SCAI: variants seen among roughly 807,000 people sequenced by gnomAD.
SCAI encodes suppressor of cancer cell invasion, also known as protein SCAI.
In SCAI, 24 loss-of-function variants were observed where a neutral mutation model predicts 92.2. The ratio of observed to expected loss-of-function variants is 0.26; its 90% CI spans 0.19 to 0.37. The LOEUF (loss-of-function observed/expected upper bound fraction) is 0.37, where lower values mean the gene tolerates loss of function less well. Among genes scored for constraint, SCAI ranks in the 10% least tolerant of loss-of-function variants. SCAI has a pLI of 1.00. For missense variants in SCAI, 450 were observed against 736.2 expected (o/e 0.61, Z 4.50); for synonymous variants, 261 against 258.6 (o/e 1.01, Z -0.09).
chr9:125,002,622 A>G (rs1194943533), intron 11 of SCAI, among the ~76,000 whole-genome samples: 1 of 151,586 alleles, frequency 6.6e-6, no homozygotes, highest in Non-Finnish European at 1.5e-5. Flanking sequence ...AGCTGGGATT[A>G]CAGGCATGTG....
intron 17 of SCAI, among the ~76,000 whole-genome samples, chr9:124,953,567 A>C (rs1322355113): frequency 6.6e-6 from 1 of 152,004 alleles, no homozygotes. Flanking sequence ...CGGAGGTTGC[A>C]GTGAGTTGAG....
chr9:125,051,630 C>T (rs1387810941), intron 3 of SCAI, among the ~76,000 whole-genome samples: 1 of 152,144 alleles, frequency 6.6e-6, no homozygotes, highest in Non-Finnish European at 1.5e-5. Flanking sequence ...CAAAATATCA[C>T]ATGTACCCCA....
chr9:125,090,574 C>G (rs1391620566), intron 2 of SCAI, among the ~76,000 whole-genome samples: 1 of 152,160 alleles, frequency 6.6e-6, no homozygotes, highest in Admixed American at 6.5e-5. Context: ...CTATCCACTT[C>G]TTTTCATCTC....
At chr9:125,048,633 C>T (rs1013083012) in intron 3 of SCAI, among the ~76,000 whole-genome samples, 2 of 151,922 alleles carry the variant, frequency 1.3e-5, no homozygotes, top group African/African-American at 4.8e-5. Context: ...CTCAGTTGTC[C>T]ATTTTAGGAA....
Position 125,118,149 on chromosome 9 carries a change from A to C in SCAI, c.98+24484T>G, listed in dbSNP as rs78065107. ...AAAACACATAGTGAACTAAACACTT[A>C]AAATCTACACATTATATGTAAAATA... On this transcript the variant is annotated intron_variant, in intron 2 of 17. Coordinates refer to ENST00000336505, the MANE Select transcript of SCAI (RefSeq NM_001144877.3). Among the ~76,000 whole-genome samples the C allele has an allele frequency of 8.1e-3, 1,231 of 151,852 alleles. 19 individuals carry two copies. Among genetic ancestry groups the C allele is most frequent in the African/African-American group, 0.028 (1,154 of 41,356 alleles).
At chr9:124,955,061 G>A (rs1037371356) in intron 17 of SCAI, among the ~76,000 whole-genome samples, 1 of 151,920 alleles carries the variant, frequency 6.6e-6, no homozygotes, top group Non-Finnish European at 1.5e-5. Flanking sequence ...CCAGCTACTT[G>A]AGAGGGTGAG....
Position 124,997,825 on chromosome 9 carries a change from A to T in SCAI, c.1244+2066T>A, listed in dbSNP as rs527546827. On this transcript the variant is annotated intron_variant, in intron 13 of 17. Transcript: ENST00000336505. ...CGGAAGGCAGAGGTTGCAGTGAGCCAAGATAGTGCCACTGCACTCCAGCCT... is the reference window on the plus strand; with the variant it reads ...CGGAAGGCAGAGGTTGCAGTGAGCCTAGATAGTGCCACTGCACTCCAGCCT... 1.3e-3 allele frequency among the ~76,000 whole-genome samples: 190 copies of T among 150,900 alleles called. 1 individual carries two copies. Among genetic ancestry groups the T allele is most frequent in the Non-Finnish European group, 2.0e-3 (138 of 67,736 alleles).
intron 3 of SCAI, among the ~76,000 whole-genome samples, chr9:125,037,315 C>T (rs918389833): frequency 4.0e-5 from 6 of 150,886 alleles, no homozygotes; most frequent in African/African-American, 1.5e-4. Context: ...GACTACATGC[C>T]TATGGTCACA....
intron 3 of SCAI, among the ~76,000 whole-genome samples, chr9:125,047,156 C>T (rs1300666610): frequency 6.6e-6 from 1 of 152,072 alleles, no homozygotes; most frequent in Non-Finnish European, 1.5e-5. Flanking sequence ...GAGATAGGGC[C>T]TTTAAAGAGG....
chr9:125,138,385 A>G (rs1004268420), intron 2 of SCAI, among the ~76,000 whole-genome samples: 4 of 149,772 alleles, frequency 2.7e-5, no homozygotes, highest in African/African-American at 9.8e-5. Context: ...CCTCCCGAGT[A>G]GCTGGGATTA....
chr9:125,032,191 A>ATTTT (rs1254303558), intron 3 of SCAI, among the ~76,000 whole-genome samples: 51 of 80,644 alleles, frequency 6.3e-4, no homozygotes, highest in African/African-American at 2.7e-3. Context: ...ATATATATAT[A>ATTTT]TATATTTTTT....
At chr9:125,128,989 G>A (rs1227142238) in intron 2 of SCAI, among the ~76,000 whole-genome samples, 4 of 151,832 alleles carry the variant, frequency 2.6e-5, no homozygotes, top group African/African-American at 9.7e-5. Flanking sequence ...CTTGAATCCA[G>A]GAGGCGGAGA....
intron 6 of SCAI, among the ~76,000 whole-genome samples, chr9:125,023,398 T>C (rs1832907020): frequency 6.6e-6 from 1 of 152,226 alleles, no homozygotes; most frequent in Admixed American, 6.5e-5. Flanking sequence ...GTTTAGTATT[T>C]CAGGTTATCT....
intron 2 of SCAI, among the ~76,000 whole-genome samples, chr9:125,089,492 T>C (rs1834385749): frequency 6.6e-6 from 1 of 152,168 alleles, no homozygotes; most frequent in African/African-American, 2.4e-5. Flanking sequence ...ATTATCTAGT[T>C]TCTTGTTACT....
intron 3 of SCAI, among the ~76,000 whole-genome samples, chr9:125,047,825 A>T (rs546529100): frequency 6.2e-4 from 95 of 152,340 alleles, no homozygotes; most frequent in Non-Finnish European, 1.0e-3. Context: ...ATATTTCTCT[A>T]TCGATTTATG....
At chr9:125,128,505 G>A (rs549976613) in intron 2 of SCAI, among the ~76,000 whole-genome samples, 2 of 152,182 alleles carry the variant, frequency 1.3e-5, no homozygotes, top group East Asian at 3.9e-4. Flanking sequence ...TGTAATCCCA[G>A]CACTTTGGGA....
chr9:124,973,500 C>A (rs923411062), intron 15 of SCAI, among the ~76,000 whole-genome samples: 1 of 151,700 alleles, frequency 6.6e-6, no homozygotes, highest in African/African-American at 2.4e-5. Flanking sequence ...GTGTTCAAGG[C>A]CAGCCTGGCC....
At chr9:125,077,312 A>C (rs905828982) in intron 2 of SCAI, among the ~76,000 whole-genome samples, 7 of 152,206 alleles carry the variant, frequency 4.6e-5, no homozygotes, top group Admixed American at 1.3e-4. Context: ...TTTCCTTGTA[A>C]TACTCTATTG....
intron 2 of SCAI, chr9:125,065,844 C>A: frequency 3.6e-6 from 2 of 557,472 alleles, no homozygotes; most frequent in Non-Finnish European, 3.2e-6. Flanking sequence ...TACAATTGCT[C>A]AACAGATGCA....
Sources: gnomAD v4.1 joint callset for allele counts (sites outside exome capture counted in the v4.1 genomes callset) on GRCh38, gnomAD v4.1.1 for gene constraint, MANE v1.5 for transcripts, NCBI Gene and HGNC (gene_info 2026-07-23, HGNC 2026-07-21) for gene names.